DCLK1: variants seen among roughly 807,000 people sequenced by gnomAD.
DCLK1 encodes the protein doublecortin like kinase 1, also known as serine/threonine-protein kinase DCLK1.
Under a neutral mutation model 86.2 loss-of-function variants are expected in DCLK1, and 16 were observed. The ratio of observed to expected loss-of-function variants is 0.19; its 90% confidence interval spans 0.13 to 0.28. The LOEUF is 0.28. Ranked by LOEUF, DCLK1 falls within the 10% of genes least tolerant of loss-of-function variation. The pLI, the probability that DCLK1 is intolerant of heterozygous loss-of-function variation, is 1.00. For missense variants in DCLK1, 590 were observed against 940.2 expected, an observed-to-expected ratio of 0.63 and a Z score of 4.87; for synonymous variants, 369 against 370.5, an observed-to-expected ratio of 1.00 and a Z score of 0.05.
At chr13:35,943,838 C>T (rs1877225385) in intron 4 of DCLK1, among the ~76,000 whole-genome samples, 2 of 152,136 alleles carry the variant, frequency 1.3e-5, no homozygotes, top group African/African-American at 4.8e-5. Flanking sequence ...GAAGCAAAAC[C>T]ATGTTGAGCT....
intron 4 of DCLK1, among the ~76,000 whole-genome samples, chr13:35,883,767 TGAGGAGATA>T (rs1346481181): frequency 6.6e-6 from 1 of 152,088 alleles, no homozygotes; most frequent in Admixed American, 6.6e-5. Flanking sequence ...TTGGAGATGA[TGAGGAGATA>T]GAGTTCGCAA....
At chr13:35,842,975 G>T (rs553772688) in intron 6 of DCLK1, among the ~76,000 whole-genome samples, 1 of 152,262 alleles carries the variant, frequency 6.6e-6, no homozygotes, top group South Asian at 2.1e-4. Context: ...TAAGTCCAAC[G>T]AAAGGATTTC....
intron 4 of DCLK1, among the ~76,000 whole-genome samples, chr13:35,891,686 T>C (rs1263543563): frequency 6.6e-6 from 1 of 152,216 alleles, no homozygotes; most frequent in Non-Finnish European, 1.5e-5. Context: ...TAGAGTGATG[T>C]GCAAAGTAAA....
At chr13:35,789,364 T>G (rs2086673326) in intron 16 of DCLK1, among the ~76,000 whole-genome samples, 1 of 152,232 alleles carries the variant, frequency 6.6e-6, no homozygotes, top group African/African-American at 2.4e-5. Flanking sequence ...TATCCAAGTG[T>G]GCATAAAATG....
chr13:35,982,686 T>C (rs529191983), intron 3 of DCLK1, among the ~76,000 whole-genome samples: 5 of 152,340 alleles, frequency 3.3e-5, no homozygotes, highest in Admixed American at 1.3e-4. Flanking sequence ...TAAAACCTGA[T>C]TGTTAAGTTA....
At chr13:35,954,219 T>TA (rs1566618465) in intron 3 of DCLK1, among the ~76,000 whole-genome samples, 7 of 152,034 alleles carry the variant, frequency 4.6e-5, no homozygotes, top group African/African-American at 1.4e-4. Context: ...TGCTTTTTTT[T>TA]TAAAAAAAAA....
intron 3 of DCLK1, among the ~76,000 whole-genome samples, chr13:35,992,350 C>T (rs193003337): frequency 5.3e-5 from 8 of 151,950 alleles, no homozygotes; most frequent in Non-Finnish European, 8.8e-5. Context: ...TCCAGGCTCA[C>T]GTTTCAAAAT....
intron 3 of DCLK1, among the ~76,000 whole-genome samples, chr13:36,063,159 T>A (rs1883620783): frequency 2.0e-5 from 3 of 152,202 alleles, no homozygotes; most frequent in Non-Finnish European, 4.4e-5. Flanking sequence ...TCAGCTATGA[T>A]AAAGATTATT....
intron 3 of DCLK1, among the ~76,000 whole-genome samples, chr13:36,036,081 C>A (rs1298940346): frequency 6.6e-6 from 1 of 152,104 alleles, no homozygotes; most frequent in East Asian, 1.9e-4. Flanking sequence ...GGGGTGGAAG[C>A]ACCTCCCCGT....
chr13:35,779,433 G>A (rs1041740612), intron 16 of DCLK1, among the ~76,000 whole-genome samples: 1 of 152,048 alleles, frequency 6.6e-6, no homozygotes, highest in African/African-American at 2.4e-5. Flanking sequence ...CAAATACCTT[G>A]CCAACTACTC....
intron 2 of DCLK1, among the ~76,000 whole-genome samples, chr13:36,123,623 T>A (rs1886066308): frequency 2.0e-5 from 3 of 152,222 alleles, no homozygotes; most frequent in African/African-American, 7.2e-5. Flanking sequence ...CTCTACCATT[T>A]CTTTCTTTGT....
chr13:35,950,475 G>A (rs189510774), intron 3 of DCLK1, among the ~76,000 whole-genome samples: 92 of 152,252 alleles, frequency 6.0e-4, no homozygotes, highest in African/African-American at 2.0e-3. Flanking sequence ...CCAGTGTTTC[G>A]CACAATAATC....
At chr13:36,096,865 G>T (rs948751452) in intron 3 of DCLK1, among the ~76,000 whole-genome samples, 4 of 152,186 alleles carry the variant, frequency 2.6e-5, no homozygotes, top group Non-Finnish European at 5.9e-5. Flanking sequence ...ATTCCATCCT[G>T]CCATGAACAT....
At chr13:36,122,405 A>G (rs1408182105) in intron 2 of DCLK1, among the ~76,000 whole-genome samples, 2 of 152,240 alleles carry the variant, frequency 1.3e-5, no homozygotes, top group African/African-American at 4.8e-5. Flanking sequence ...AAGATTACAT[A>G]TCTACAGAGT....
intron 3 of DCLK1, among the ~76,000 whole-genome samples, chr13:35,970,845 T>C (rs1879028211): frequency 6.6e-6 from 1 of 152,120 alleles, no homozygotes; most frequent in Non-Finnish European, 1.5e-5. Context: ...ATTGGTGAGG[T>C]CAAAAGCAGA....
chr13:36,024,096 A>C (rs993966786), intron 3 of DCLK1, among the ~76,000 whole-genome samples: 3 of 151,320 alleles, frequency 2.0e-5, no homozygotes, highest in Non-Finnish European at 4.4e-5. Context: ...GGGTTTCACC[A>C]TGTTGGCAAG....
intron 3 of DCLK1, among the ~76,000 whole-genome samples, chr13:35,976,525 G>GTTTTTTTTTTTTGTTTTTTTTT (rs1879343151): frequency 1.8e-5 from 1 of 56,350 alleles, no homozygotes; most frequent in African/African-American, 6.2e-5. Flanking sequence ...CTTCTCCGAG[G>GTTTTTTTTTTTTGTTTTTTTTT]TTTTTTTTTT....
At chr13:35,927,763 T>C (rs569374995) in intron 4 of DCLK1, among the ~76,000 whole-genome samples, 3 of 152,302 alleles carry the variant, frequency 2.0e-5, no homozygotes, top group African/African-American at 4.8e-5. Flanking sequence ...ACCATGTGAT[T>C]AGAGGGTTAG....
At chr13:35,998,383 G>A (rs1880565699) in intron 3 of DCLK1, among the ~76,000 whole-genome samples, 1 of 151,994 alleles carries the variant, frequency 6.6e-6, no homozygotes, top group Admixed American at 6.6e-5. Flanking sequence ...TATCTCCTGC[G>A]AATGCAGAAA....
Sources: gnomAD v4.1 joint callset for allele counts (sites outside exome capture counted in the v4.1 genomes callset) on GRCh38, gnomAD v4.1.1 for gene constraint, MANE v1.5 for transcripts, NCBI Gene and HGNC (gene_info 2026-07-23, HGNC 2026-07-21) for gene names.